KLHL29: variants seen among roughly 807,000 people sequenced by gnomAD.
KLHL29 encodes the protein kelch-like protein 29.
In KLHL29, 21 loss-of-function variants were observed where a neutral mutation model predicts 80.4. The observed-to-expected ratio is 0.26, with a 90% confidence interval of 0.19 to 0.38. The LOEUF is 0.38. Among genes scored for constraint, KLHL29 ranks in the 10% least tolerant of loss-of-function variants. KLHL29 has a pLI of 1.00. For synonymous variants in KLHL29, 511 were observed against 526.8 expected (o/e 0.97, Z 0.41); for missense variants, 867 against 1,223.9 (o/e 0.71, Z 4.35).
Position 23,707,983 on chromosome 2 carries a change from GGGCAGGAGAATGCTGCC to G in KLHL29, c.*1321_*1337del, listed in dbSNP as rs1354610039. On this transcript the variant is annotated 3_prime_UTR_variant, in exon 14 of 14. Coordinates refer to ENST00000486442, the MANE Select transcript of KLHL29 (RefSeq NM_052920.2). ...CACACGGTCAACAGTTTCCATTCCAGGGCAGGAGAATGCTGCCGCCACTGCGCTGTTGAGTTGAAGTT... is the reference window on the plus strand; with the variant it reads ...CACACGGTCAACAGTTTCCATTCCAGGCCACTGCGCTGTTGAGTTGAAGTT... The G allele has an allele frequency of 2.6e-5, 4 of 152,234 alleles. No individual in the cohort carries two copies. The highest frequency in any genetic ancestry group is 5.9e-5 in the Non-Finnish European group (4 of 68,046). The allele number at this position is 152,234 out of a possible 1,614,324, so 9.4% of individuals were successfully genotyped here.
intron 1 of KLHL29, among the ~76,000 whole-genome samples, chr2:23,460,450 G>C (rs1191890984): frequency 6.6e-6 from 1 of 152,122 alleles, no homozygotes; most frequent in Admixed American, 6.5e-5. Flanking sequence ...GGCCTCTAGT[G>C]GGTGGAGGCT....
At chr2:23,604,547 G>C (rs1668656864) in intron 3 of KLHL29, among the ~76,000 whole-genome samples, 2 of 152,154 alleles carry the variant, frequency 1.3e-5, no homozygotes, top group South Asian at 4.1e-4. Flanking sequence ...ATTCCCTCCA[G>C]CAGCAGCAGG....
chr2:23,479,682 A>C (rs1468483033), intron 2 of KLHL29, among the ~76,000 whole-genome samples: 1 of 152,016 alleles, frequency 6.6e-6, no homozygotes, highest in Non-Finnish European at 1.5e-5. Flanking sequence ...ATCAGACTCT[A>C]CCTGTCCAAA....
At chr2:23,660,304 T>G (rs941455551) in intron 5 of KLHL29, among the ~76,000 whole-genome samples, 1 of 152,208 alleles carries the variant, frequency 6.6e-6, no homozygotes, top group African/African-American at 2.4e-5. Context: ...CTCAGCTCCC[T>G]GTTGCTTCCC....
chr2:23,613,990 C>G (rs919142261), intron 3 of KLHL29, among the ~76,000 whole-genome samples: 9 of 152,096 alleles, frequency 5.9e-5, no homozygotes, highest in African/African-American at 2.2e-4. Flanking sequence ...CTACATACCT[C>G]CCTCACAAGG....
intron 2 of KLHL29, among the ~76,000 whole-genome samples, chr2:23,482,410 G>T (rs1228769324): frequency 1.3e-5 from 2 of 152,244 alleles, no homozygotes; most frequent in African/African-American, 4.8e-5. Flanking sequence ...CTCCGTGAGG[G>T]CACCTGGCCA....
At chr2:23,392,057 A>T (rs1172965059) in intron 1 of KLHL29, among the ~76,000 whole-genome samples, 1 of 152,186 alleles carries the variant, frequency 6.6e-6, no homozygotes. Flanking sequence ...GTTTTCTTTT[A>T]TGAAATTGGA....
chr2:23,435,969 G>C (rs1663329252), intron 1 of KLHL29, among the ~76,000 whole-genome samples: 1 of 146,280 alleles, frequency 6.8e-6, no homozygotes, highest in African/African-American at 2.6e-5. Context: ...TTTGCTTTCA[G>C]CTGTCATTTC....
intron 3 of KLHL29, among the ~76,000 whole-genome samples, chr2:23,638,567 A>T (rs1572457093): frequency 6.6e-6 from 1 of 152,084 alleles, no homozygotes; most frequent in East Asian, 1.9e-4. Flanking sequence ...CCACTTCCCC[A>T]CACTTCCTCC....
intron 3 of KLHL29, among the ~76,000 whole-genome samples, chr2:23,635,408 C>A (rs891850296): frequency 4.6e-5 from 7 of 152,202 alleles, no homozygotes; most frequent in Non-Finnish European, 1.0e-4. Context: ...TCCCCCCAAG[C>A]TGGTGGAGTG....
intron 2 of KLHL29, among the ~76,000 whole-genome samples, chr2:23,492,334 A>G (rs950950525): frequency 6.6e-6 from 1 of 152,170 alleles, no homozygotes; most frequent in African/African-American, 2.4e-5. Flanking sequence ...AGAAGGGGAA[A>G]TTAACCTGTG....
intron 2 of KLHL29, among the ~76,000 whole-genome samples, chr2:23,552,497 C>T (rs1415595987): frequency 6.6e-6 from 1 of 152,170 alleles, no homozygotes; most frequent in African/African-American, 2.4e-5. Flanking sequence ...GGTGAGGGTC[C>T]TTCCCATTAC....
intron 5 of KLHL29, among the ~76,000 whole-genome samples, chr2:23,645,614 G>A (rs1463924234): frequency 1.3e-5 from 2 of 152,196 alleles, no homozygotes; most frequent in Non-Finnish European, 1.5e-5. Context: ...CTCTCCCGGG[G>A]TTGAGTAATT....
At chr2:23,545,809 A>T (rs1024394571) in intron 2 of KLHL29, among the ~76,000 whole-genome samples, 1 of 152,128 alleles carries the variant, frequency 6.6e-6, no homozygotes, top group Non-Finnish European at 1.5e-5. Context: ...GGCCATCCTG[A>T]TGGTGCCAGG....
chr2:23,665,865 G>T (rs1464019681), intron 5 of KLHL29, among the ~76,000 whole-genome samples: 1 of 152,132 alleles, frequency 6.6e-6, no homozygotes, highest in African/African-American at 2.4e-5. Context: ...CTCCCACCAG[G>T]CCCCACCGCC....
At chr2:23,561,949 C>T (rs987320586) in intron 2 of KLHL29, among the ~76,000 whole-genome samples, 1 of 152,152 alleles carries the variant, frequency 6.6e-6, no homozygotes, top group Admixed American at 6.5e-5. Flanking sequence ...ACTTTGGCCA[C>T]GTGATCCTGG....
intron 1 of KLHL29, among the ~76,000 whole-genome samples, chr2:23,441,689 A>C (rs1663528777): frequency 6.6e-6 from 1 of 152,182 alleles, no homozygotes; most frequent in African/African-American, 2.4e-5. Flanking sequence ...ATGACTAGAA[A>C]GTTGGAGCTG....
chr2:23,481,454 T>C (rs1411423702), intron 2 of KLHL29, among the ~76,000 whole-genome samples: 2 of 152,262 alleles, frequency 1.3e-5, no homozygotes, highest in Admixed American at 1.3e-4. Flanking sequence ...CCTGCTTTTC[T>C]CTGGCTGGGA....
intron 7 of KLHL29, among the ~76,000 whole-genome samples, chr2:23,693,008 C>G (rs1671718191): frequency 6.6e-6 from 1 of 152,166 alleles, no homozygotes; most frequent in African/African-American, 2.4e-5. Flanking sequence ...CTCCATGCCT[C>G]CCAGTCTCGG....
Sources: allele counts gnomAD v4.1 joint callset (sites outside exome capture counted in the v4.1 genomes callset), GRCh38; gene constraint gnomAD v4.1.1; transcripts MANE v1.5; gene names NCBI Gene and HGNC (gene_info 2026-07-23, HGNC 2026-07-21).